Variants in UBE2G1 observed in about 807,000 individuals in gnomAD.
UBE2G1 encodes the protein ubiquitin conjugating enzyme E2 G1.
A neutral mutation model predicts 22.7 loss-of-function variants in UBE2G1; 5 were observed. That is an observed-to-expected ratio of 0.22 (90% CI 0.12 to 0.46). The LOEUF is 0.46. UBE2G1 is among the 20% of genes least tolerant of loss of function. The pLI, the probability that UBE2G1 is intolerant of heterozygous loss-of-function variation, is 0.99. For synonymous variants in UBE2G1, 74 were observed against 67.5 expected, an observed-to-expected ratio of 1.10 and a Z score of -0.47; for missense variants, 88 against 203.9, an observed-to-expected ratio of 0.43 and a Z score of 3.46.
At chr17:4,312,589 G>A (rs921043240) in intron 1 of UBE2G1, among the ~76,000 whole-genome samples, 4 of 151,288 alleles carry the variant, frequency 2.6e-5, no homozygotes, top group African/African-American at 7.3e-5. Context: ...CCAGCTACTC[G>A]GGAGGCTGAG....
intron 1 of UBE2G1, among the ~76,000 whole-genome samples, chr17:4,316,263 G>A: frequency 6.6e-6 from 1 of 152,124 alleles, no homozygotes; most frequent in Non-Finnish European, 1.5e-5. Context: ...AACACAGTTG[G>A]CTGCAAGGTA....
At chr17:4,334,470 G>A (rs184192072) in intron 1 of UBE2G1, among the ~76,000 whole-genome samples, 5 of 152,252 alleles carry the variant, frequency 3.3e-5, no homozygotes, top group Non-Finnish European at 5.9e-5. Context: ...TCACTTCTTA[G>A]AGAGTAAATT....
At chr17:4,291,346 G>A (rs1440533897) in intron 3 of UBE2G1, among the ~76,000 whole-genome samples, 10 of 79,230 alleles carry the variant, frequency 1.3e-4, no homozygotes, top group South Asian at 4.5e-4. Context: ...GGCAACGGGC[G>A]AAACTCCATC....
intron 1 of UBE2G1, among the ~76,000 whole-genome samples, chr17:4,339,226 T>A (rs1275622435): frequency 6.6e-6 from 1 of 152,152 alleles, no homozygotes; most frequent in Admixed American, 6.6e-5. Context: ...TATTATTTTA[T>A]TTTAGAAAGG....
In UBE2G1 at chr17:4,348,317, G is replaced by A. The variant is rs558058677; in HGVS notation, c.46+17954C>T. ...GCCTGTAATCCCAGCACTTTGGGAG[G>A]CCGAGGCGGGCGGATCACGAGGTCA... On this transcript the variant is annotated intron_variant, in intron 1 of 5. Transcript: ENST00000396981. 3.5e-4 allele frequency among the ~76,000 whole-genome samples: 53 copies of A among 152,030 alleles called. 1 individual carries two copies. The East Asian group carries it at 8.3e-3, about 24-fold the overall frequency.
At chr17:4,281,788 C>T (rs1968895312) in intron 5 of UBE2G1, among the ~76,000 whole-genome samples, 1 of 152,168 alleles carries the variant, frequency 6.6e-6, no homozygotes, top group Non-Finnish European at 1.5e-5. Flanking sequence ...TGCTCTACAC[C>T]TTCAGAAAAC....
intron 3 of UBE2G1, among the ~76,000 whole-genome samples, chr17:4,292,314 CAAAA>C (rs35054040): frequency 6.4e-5 from 7 of 108,698 alleles, no homozygotes; most frequent in Non-Finnish European, 9.5e-5. Flanking sequence ...GACTCTGTCT[CAAAA>C]AAAAAAAAAA....
At chr17:4,365,971 AC>A (rs1385100301) in intron 1 of UBE2G1, among the ~76,000 whole-genome samples, 1 of 151,704 alleles carries the variant, frequency 6.6e-6, no homozygotes, top group Non-Finnish European at 1.5e-5. Context: ...GGACCCGCAC[AC>A]AGCCCCTCCC....
chr17:4,288,115 A>G (rs1369594573), intron 4 of UBE2G1, among the ~76,000 whole-genome samples: 2 of 152,150 alleles, frequency 1.3e-5, no homozygotes, highest in African/African-American at 4.8e-5. Flanking sequence ...AAGTTGCAAA[A>G]TTTCTACAAC....
intron 1 of UBE2G1, among the ~76,000 whole-genome samples, chr17:4,334,452 T>G (rs1324032707): frequency 6.6e-6 from 1 of 152,198 alleles, no homozygotes. Flanking sequence ...ATAAAACCAT[T>G]TTACTCATCA....
intron 1 of UBE2G1, among the ~76,000 whole-genome samples, chr17:4,343,181 A>T (rs1969730367): frequency 1.3e-5 from 2 of 152,222 alleles, no homozygotes; most frequent in African/African-American, 4.8e-5. Context: ...ATATTTGTTA[A>T]ATGTAGAATT....
chr17:4,320,910 TGA>T (rs1969429544), intron 1 of UBE2G1, among the ~76,000 whole-genome samples: 1 of 151,982 alleles, frequency 6.6e-6, no homozygotes, highest in Admixed American at 6.6e-5. Context: ...AGGTATGAGC[TGA>T]GAGGAGTGAA....
At chr17:4,341,929 A>G (rs1202282262) in intron 1 of UBE2G1, among the ~76,000 whole-genome samples, 3 of 152,106 alleles carry the variant, frequency 2.0e-5, no homozygotes, top group African/African-American at 7.2e-5. Flanking sequence ...ACACTCCTTC[A>G]CTAGCTTCTG....
At position 4,269,747 on chromosome 17, in the gene UBE2G1, G is replaced by A; in HGVS notation, c.*2807C>T. 5.4e-6 allele frequency: 1 copy of A among 186,156 alleles called. No individual in the cohort carries two copies. Among genetic ancestry groups the A allele is most frequent in the Non-Finnish European group, 1.1e-5 (1 of 88,782 alleles). The allele number at this position is 186,156 out of a possible 1,614,324, so 11.5% of individuals were successfully genotyped here. On this transcript the variant is annotated 3_prime_UTR_variant, in exon 6 of 6. Transcript: ENST00000396981. ...CAGACTGAAATCTATATGCCTCTACGAGAACTTGGAATAAATTTAGGAAAC... is the reference window on the plus strand; with the variant it reads ...CAGACTGAAATCTATATGCCTCTACAAGAACTTGGAATAAATTTAGGAAAC...
chr17:4,276,499 T>A (rs1968823477), intron 5 of UBE2G1, among the ~76,000 whole-genome samples: 1 of 152,230 alleles, frequency 6.6e-6, no homozygotes, highest in Non-Finnish European at 1.5e-5. Flanking sequence ...TACTTTGTTT[T>A]ATGCTTGGTC....
chr17:4,301,021 T>C lies in UBE2G1; in HGVS notation c.150-4207A>G, dbSNP rs114225433. Among the ~76,000 whole-genome samples the C allele has an allele frequency of 6.0e-3, 920 of 152,264 alleles. 4 individuals are homozygous for C. Among genetic ancestry groups the C allele is most frequent in the African/African-American group, 0.021 (885 of 41,542 alleles). On this transcript the variant is annotated intron_variant, in intron 2 of 5. Transcript: ENST00000396981. ...AAACCCAGGCCTAGTTCAATTTTTT[T>C]CCATGAGGCCTCCATTACTGTTTTT...
At chr17:4,276,593 G>A (rs1429965597) in intron 5 of UBE2G1, among the ~76,000 whole-genome samples, 1 of 152,216 alleles carries the variant, frequency 6.6e-6, no homozygotes, top group African/African-American at 2.4e-5. Context: ...CAAGAGGACA[G>A]TGCCTTTGCA....
At position 4,306,492 on chromosome 17, in the gene UBE2G1, A is replaced by G. The variant is rs530255588; in HGVS notation, c.149+529T>C. ...GCATGAGCCACCGCGCCCGGCCTGAAACTATTATTTTTAATAGCAATAGGT... is the reference window on the plus strand; with the variant it reads ...GCATGAGCCACCGCGCCCGGCCTGAGACTATTATTTTTAATAGCAATAGGT... On this transcript the variant is annotated intron_variant, in intron 2 of 5. Transcript: ENST00000396981. Among the ~76,000 whole-genome samples, 79 of 151,728 alleles carry G rather than the reference A, an allele frequency of 5.2e-4. 4 individuals are homozygous for G. The South Asian group carries it at 0.015, about 30-fold the overall frequency.
chr17:4,291,775 AT>A (rs1300623871), intron 3 of UBE2G1, among the ~76,000 whole-genome samples: 1 of 152,144 alleles, frequency 6.6e-6, no homozygotes, highest in African/African-American at 2.4e-5. Context: ...ATTTTCCTTT[AT>A]TGATGCTGTT....
Sources: allele counts gnomAD v4.1 joint callset (sites outside exome capture counted in the v4.1 genomes callset), GRCh38; gene constraint gnomAD v4.1.1; transcripts MANE v1.5; gene names NCBI Gene and HGNC (gene_info 2026-07-23, HGNC 2026-07-21).